Variants in ZNF717 observed in about 807,000 individuals in gnomAD.
ZNF717 encodes the protein krueppel-like factor X17.
ZNF717 carries 9 observed loss-of-function variants against 13.8 expected under a neutral mutation model. That is an observed-to-expected ratio of 0.65 (90% CI 0.39 to 1.14). The LOEUF (loss-of-function observed/expected upper bound fraction) is 1.14. Ranked by LOEUF, ZNF717 falls within the 50% of genes most tolerant of loss-of-function variation. The probability of loss-of-function intolerance (pLI) is 0.01; values close to 1 mark genes in which losing one functional copy is unlikely to be tolerated. For synonymous variants in ZNF717, 327 were observed against 364.1 expected, an observed-to-expected ratio of 0.90 and a Z score of 1.16; for missense variants, 1,040 against 1,080.7, an observed-to-expected ratio of 0.96 and a Z score of 0.53.
intron 6 of ZNF717, among the ~76,000 whole-genome samples, chr3:75,702,277 C>G (rs28879094): frequency 6.6e-6 from 1 of 150,826 alleles, no homozygotes; most frequent in Non-Finnish European, 1.5e-5. Context: ...CAATGGAATA[C>G]TATTCAGCTA....
At chr3:75,722,348 T>C (rs1357995149) in intron 4 of ZNF717, among the ~76,000 whole-genome samples, 1 of 152,178 alleles carries the variant, frequency 6.6e-6, no homozygotes, top group Non-Finnish European at 1.5e-5. Flanking sequence ...CCAAATAGTT[T>C]GAAGAGTTGT....
Position 75,737,899 on chromosome 3 carries a change from T to A in ZNF717, c.1724A>T (p.Lys575Met). The A allele has an allele frequency of 6.5e-7, 1 of 1,548,070 alleles. No individual in the cohort carries two copies. The highest frequency in any genetic ancestry group is 8.7e-7 in the Non-Finnish European group (1 of 1,144,494). The change falls in exon 5 of 5, where the codon AAG becomes ATG. Residue 575 changes from lysine (K) to methionine (M), a missense_variant. Coordinates refer to ENST00000652011, the MANE Select transcript of ZNF717 (RefSeq NM_001290208.3). ...TCTCTGATGTATAGTTAGGAATGAC[T>A]TACAGTGAAAGGATTTTCCACATTC... ...CNECGKSFHC[K>M]SFLTIHQRTH...
At chr3:75,783,968 CAATA>C (rs1298501184) in intron 1 of ZNF717, among the ~76,000 whole-genome samples, 9 of 152,140 alleles carry the variant, frequency 5.9e-5, no homozygotes, top group African/African-American at 2.2e-4. Context: ...TATGCTCTGA[CAATA>C]AATTGGGCTT....
At chr3:75,727,421 C>T (rs77981004), downstream of ZNF717, among the ~76,000 whole-genome samples, 489 of 118,548 alleles carry the variant, frequency 4.1e-3, no homozygotes, top group Middle Eastern at 9.4e-3. Context: ...AGAGGGCCTA[C>T]AGATGGACGT....
At chr3:75,715,913 C>G (rs1294332309) in intron 5 of ZNF717, among the ~76,000 whole-genome samples, 1 of 152,078 alleles carries the variant, frequency 6.6e-6, no homozygotes, top group East Asian at 1.9e-4. Context: ...AGGTGGAGTC[C>G]CAGAAAACCT....
At chr3:75,767,604 T>G (rs1943585759) in intron 2 of ZNF717, among the ~76,000 whole-genome samples, 1 of 152,106 alleles carries the variant, frequency 6.6e-6, no homozygotes, top group South Asian at 2.1e-4. Flanking sequence ...AAAATGTCAT[T>G]GGAAACTGGA....
chr3:75,721,169 T>A (rs1938159061), intron 4 of ZNF717, among the ~76,000 whole-genome samples: 1 of 152,246 alleles, frequency 6.6e-6, no homozygotes, highest in African/African-American at 2.4e-5. Flanking sequence ...GTTGTTCAGG[T>A]TCAAATCAAC....
In ZNF717 at chr3:75,739,142, C is replaced by G. The variant is rs1939992691; in HGVS notation, c.481G>C (p.Asp161His). The G allele has an allele frequency of 6.4e-7, 1 of 1,550,490 alleles. No individual in the cohort carries two copies. The highest frequency in any genetic ancestry group is 1.4e-5 in the African/African-American group (1 of 73,020). ...ATAGGGAAAAGCATGTTCTGGCAAT[C>G]ATTAAACTGCCCAGGCTTCATTCCT... ...SSGMKPGQFNDCQNMLFPIKP... is the reference protein window; with the variant it reads ...SSGMKPGQFNHCQNMLFPIKP... The change falls in exon 5 of 5, where the codon GAT becomes CAT. Residue 161 changes from aspartate to histidine, a missense_variant. By Grantham distance (81) the Asp-to-His change is moderately conservative. Transcript: ENST00000652011.
At chr3:75,744,095 G>A (rs1339929295) in intron 2 of ZNF717, among the ~76,000 whole-genome samples, 2 of 152,230 alleles carry the variant, frequency 1.3e-5, no homozygotes, top group African/African-American at 2.4e-5. Flanking sequence ...CATTTACACA[G>A]GAAGAGAAAT....
chr3:75,737,169 T>C lies in ZNF717; in HGVS notation c.2454A>G (p.Glu818=). 1 of 1,557,692 alleles carries C rather than the reference T, an allele frequency of 6.4e-7. No individual in the cohort carries two copies. The highest frequency in any genetic ancestry group is 1.2e-5 in the South Asian group (1 of 84,664). ...HTGEKPFECK[E]CRKTFSQKSK... ...ACTTCTGGGAGAAGGTTTTCCTACA[T>C]TCTTTACATTCAAATGGCTTCTCAC... The change falls in exon 5 of 5, where the codon GAA becomes GAG. Residue 818 remains glutamate, a synonymous_variant. Coordinates refer to ENST00000652011, the MANE Select transcript of ZNF717 (RefSeq NM_001290208.3).
downstream of ZNF717, among the ~76,000 whole-genome samples, chr3:75,705,727 C>T (rs1937791144): frequency 1.3e-5 from 2 of 152,312 alleles, no homozygotes; most frequent in Admixed American, 6.5e-5. Flanking sequence ...TTTGCCCTCT[C>T]TGGGAAGTGA....
downstream of ZNF717, among the ~76,000 whole-genome samples, chr3:75,705,603 C>G (rs140563352): frequency 5.3e-5 from 8 of 152,258 alleles, no homozygotes; most frequent in Admixed American, 3.9e-4. Context: ...TTTGGTCATC[C>G]TCTTCTCCCT....
At chr3:75,762,088 A>G (rs558209261) in intron 2 of ZNF717, among the ~76,000 whole-genome samples, 262 of 149,746 alleles carry the variant, frequency 1.7e-3, no homozygotes, top group African/African-American at 5.9e-3. Flanking sequence ...AGAGAGAGAA[A>G]GAAAAGAAAA....
At chr3:75,776,375 T>C (rs1363689121) in intron 2 of ZNF717, among the ~76,000 whole-genome samples, 2 of 152,276 alleles carry the variant, frequency 1.3e-5, no homozygotes, top group Admixed American at 6.5e-5. Flanking sequence ...CATTTAAACA[T>C]TTTATAAAGG....
At chr3:75,743,020 G>T (rs1269559200) in intron 2 of ZNF717, among the ~76,000 whole-genome samples, 3 of 152,158 alleles carry the variant, frequency 2.0e-5, no homozygotes, top group African/African-American at 7.2e-5. Flanking sequence ...CAGATGAAGT[G>T]CAGAAAACGA....
exon 6 of ZNF717, chr3:75,710,118 TAGG>T (rs1937900063): frequency 6.7e-6 from 1 of 149,888 alleles, no homozygotes; most frequent in African/African-American, 2.4e-5. Context: ...ATTATTCTGT[TAGG>T]AGTTGTACTT....
chr3:75,746,087 T>C (rs1215586444), intron 2 of ZNF717, among the ~76,000 whole-genome samples: 1 of 152,264 alleles, frequency 6.6e-6, no homozygotes, highest in Non-Finnish European at 1.5e-5. Flanking sequence ...TGTGTTTTCA[T>C]TGTTCAATTC....
chr3:75,695,973 C>T (rs1388023078), intron 6 of ZNF717, among the ~76,000 whole-genome samples: 4 of 152,200 alleles, frequency 2.6e-5, no homozygotes, highest in Admixed American at 6.5e-5. Context: ...AAGATTAGAG[C>T]GGAAGTAAAT....
chr3:75,708,817 GT>G (rs1266629832), downstream of ZNF717, among the ~76,000 whole-genome samples: 2 of 152,120 alleles, frequency 1.3e-5, no homozygotes, highest in African/African-American at 4.8e-5. Context: ...AATGAAAGAG[GT>G]TTAATTGTCT....
Sources: gnomAD v4.1 joint callset for allele counts (sites outside exome capture counted in the v4.1 genomes callset) on GRCh38, gnomAD v4.1.1 for gene constraint, MANE v1.5 for transcripts, NCBI Gene and HGNC (gene_info 2026-07-23, HGNC 2026-07-21) for gene names.